EFCAB8: variants seen among roughly 807,000 people sequenced by gnomAD.
EFCAB8 encodes EF-hand calcium-binding domain-containing protein 8.
A neutral mutation model predicts 116.3 loss-of-function variants in EFCAB8; 100 were observed. That is an observed-to-expected ratio of 0.86 (90% CI 0.73 to 1.02). The LOEUF is 1.02. Ranked by LOEUF, EFCAB8 falls within the 50% of genes least tolerant of loss-of-function variation. EFCAB8 has a pLI of 0.00. For missense variants in EFCAB8, 1,320 were observed against 1,416.9 expected, an observed-to-expected ratio of 0.93 and a Z score of 1.10; for synonymous variants, 558 against 567.9, an observed-to-expected ratio of 0.98 and a Z score of 0.25.
At chr20:32,922,083 C>T (rs1987485785) in intron 20 of EFCAB8, among the ~76,000 whole-genome samples, 1 of 152,172 alleles carries the variant, frequency 6.6e-6, no homozygotes, top group Non-Finnish European at 1.5e-5. Flanking sequence ...CTGGCCTCGG[C>T]TTCCCAAAGT....
At chr20:32,945,206 T>A (rs1165666608) in intron 23 of EFCAB8, among the ~76,000 whole-genome samples, 2 of 152,116 alleles carry the variant, frequency 1.3e-5, no homozygotes, top group Non-Finnish European at 2.9e-5. Flanking sequence ...CCACCCAGGG[T>A]TGAGTGCAGT....
chr20:32,957,569 C>T (rs1018655440), intron 23 of EFCAB8, among the ~76,000 whole-genome samples: 3 of 152,128 alleles, frequency 2.0e-5, no homozygotes, highest in African/African-American at 7.2e-5. Context: ...CTCTGTCTCC[C>T]AATGATCTCA....
chr20:32,888,950 GT>G lies in EFCAB8; in HGVS notation c.568-343del, dbSNP rs1216030348. On this transcript the variant is annotated intron_variant, in intron 6 of 26. Coordinates refer to ENST00000400522, the MANE Select transcript of EFCAB8 (RefSeq NM_001143967.2). ...CTATGCATATTCAAGAGTTTGGTTGGTTTTTTTTGTGGGGGGCGGGGGGCGG... is the reference window on the plus strand; with the variant it reads ...CTATGCATATTCAAGAGTTTGGTTGGTTTTTTTGTGGGGGGCGGGGGGCGG... Among the ~76,000 whole-genome samples the G allele has an allele frequency of 5.4e-5, 8 of 147,988 alleles. No individual in the cohort carries two copies. In the East Asian group the frequency reaches 1.6e-3, roughly 30 times the overall value.
intron 5 of EFCAB8, among the ~76,000 whole-genome samples, chr20:32,882,840 C>T (rs1424726372): frequency 3.3e-5 from 5 of 152,064 alleles, no homozygotes; most frequent in African/African-American, 4.8e-5. Context: ...GGACTACAGG[C>T]GCCCACCACC....
chr20:32,940,948 T>G lies in EFCAB8; in HGVS notation c.2791-2688T>G, dbSNP rs1415146179. ...GTGGACAAACTGGGACTCTTACACA[T>G]TGCTGGATAGAATGTAGAAAGCTGG... is the stretch of plus-strand genomic sequence containing the variant. On this transcript the variant is annotated intron_variant, in intron 22 of 26. Transcript: ENST00000400522. 5.4e-5 allele frequency among the ~76,000 whole-genome samples: 8 copies of G among 149,522 alleles called. 1 individual carries two copies. The highest frequency in any genetic ancestry group is 1.2e-4 in the Non-Finnish European group (8 of 67,284).
chr20:32,931,498 C>T (rs1987909613), intron 22 of EFCAB8, 162 bp downstream of exon 22: 1 of 554,920 alleles, frequency 1.8e-6, no homozygotes, highest in Admixed American at 6.4e-5. Context: ...GTGGCCCACG[C>T]CTGTAATCCC....
chr20:32,891,130 G>C (rs1225141794), intron 7 of EFCAB8, among the ~76,000 whole-genome samples: 7 of 151,976 alleles, frequency 4.6e-5, no homozygotes, highest in African/African-American at 1.7e-4. Context: ...TTATTTTTTT[G>C]AGACAGTCTC....
chr20:32,893,949 T>G (rs1986041297), intron 9 of EFCAB8, among the ~76,000 whole-genome samples: 2 of 152,148 alleles, frequency 1.3e-5, no homozygotes, highest in Admixed American at 1.3e-4. Context: ...GGGGCTAAGA[T>G]CTGAAGTCCG....
intron 20 of EFCAB8, among the ~76,000 whole-genome samples, chr20:32,926,154 G>A (rs1295195724): frequency 6.6e-6 from 1 of 152,218 alleles, no homozygotes; most frequent in African/African-American, 2.4e-5. Flanking sequence ...GGCTGGCAAA[G>A]GAATGGCTGG....
chr20:32,872,398 G>A lies in EFCAB8; in HGVS notation c.209-3528G>A, dbSNP rs113957003. ...CCACAGAAACCCTCAGGGGACCAATGTTTGTTGAAGCCAGGACCCAGCCCT... is the reference window on the plus strand; with the variant it reads ...CCACAGAAACCCTCAGGGGACCAATATTTGTTGAAGCCAGGACCCAGCCCT... On this transcript the variant is annotated intron_variant, in intron 3 of 26. Transcript: ENST00000400522. 8.8e-3 allele frequency among the ~76,000 whole-genome samples: 1,340 copies of A among 152,280 alleles called. 38 individuals are homozygous for A. The highest frequency in any genetic ancestry group is 0.031 in the African/African-American group (1,278 of 41,506).
chr20:32,931,393 C>T, intron 22 of EFCAB8, 57 bp downstream of exon 22: 1 of 1,457,612 alleles, frequency 6.9e-7, no homozygotes, highest in Non-Finnish European at 9.1e-7. Context: ...CACAAATGAG[C>T]TAGGACCATA....
At chr20:32,926,522 T>A (rs890241830) in intron 20 of EFCAB8, among the ~76,000 whole-genome samples, 2 of 148,742 alleles carry the variant, frequency 1.3e-5, no homozygotes, top group African/African-American at 2.5e-5. Context: ...TTTTTTTTTT[T>A]ATTATACTTT....
intron 25 of EFCAB8, 38 bp from the exon 26 acceptor site, chr20:32,960,025 C>T (rs1204367656): frequency 6.4e-7 from 1 of 1,551,514 alleles, no homozygotes; most frequent in Non-Finnish European, 8.7e-7. Context: ...CAGGGACCCC[C>T]AACTCGCAGC....
At chr20:32,878,956 T>C in intron 5 of EFCAB8, 149 bp downstream of exon 5, 1 of 668,710 alleles carries the variant, frequency 1.5e-6, no homozygotes, top group Non-Finnish European at 2.6e-6. Context: ...TTTGGCTCAT[T>C]TCAACCTCAC....
intron 15 of EFCAB8, among the ~76,000 whole-genome samples, chr20:32,910,827 T>C (rs1040016338): frequency 1.4e-5 from 2 of 145,878 alleles, no homozygotes; most frequent in Non-Finnish European, 3.0e-5. Flanking sequence ...AGTCTCTGCC[T>C]TCCGGGTTCA....
At chr20:32,865,719 A>G (rs112851390) in intron 2 of EFCAB8, among the ~76,000 whole-genome samples, 5,532 of 151,828 alleles carry the variant, frequency 0.036, 291 homozygotes, top group African/African-American at 0.12. Flanking sequence ...GAATCACTTG[A>G]ACCCAGGAGG....
At chr20:32,913,991 C>A (rs1329599793) in intron 17 of EFCAB8, among the ~76,000 whole-genome samples, 3 of 152,252 alleles carry the variant, frequency 2.0e-5, no homozygotes, top group Non-Finnish European at 2.9e-5. Flanking sequence ...GGAGCCTTGC[C>A]CCCATGGTGG....
At chr20:32,920,438 A>G (rs1987396551) in intron 20 of EFCAB8, among the ~76,000 whole-genome samples, 1 of 152,198 alleles carries the variant, frequency 6.6e-6, no homozygotes, top group Admixed American at 6.5e-5. Flanking sequence ...CAGCTGATAA[A>G]GGCATATCCG....
chr20:32,931,142 G>A (rs1212298326), intron 21 of EFCAB8, 36 bp from the exon 22 acceptor site: 1 of 1,489,778 alleles, frequency 6.7e-7, no homozygotes. Context: ...TCTGGGTCAA[G>A]GGGTGTGAGG....
Sources: allele counts gnomAD v4.1 joint callset (sites outside exome capture counted in the v4.1 genomes callset), GRCh38; gene constraint gnomAD v4.1.1; transcripts MANE v1.5; gene names NCBI Gene and HGNC (gene_info 2026-07-23, HGNC 2026-07-21).